PHLPP1: variants seen among roughly 807,000 people sequenced by gnomAD.
PHLPP1 encodes the protein PH domain and leucine rich repeat protein phosphatase 1.
A neutral mutation model predicts 117.2 loss-of-function variants in PHLPP1; 42 were observed. The ratio of observed to expected loss-of-function variants is 0.36; its 90% CI spans 0.28 to 0.46. The LOEUF (loss-of-function observed/expected upper bound fraction) is 0.46, where lower values mean the gene tolerates loss of function less well. Ranked by LOEUF, PHLPP1 falls within the 20% of genes least tolerant of loss-of-function variation. The pLI, the probability that PHLPP1 is intolerant of heterozygous loss-of-function variation, is 1.00. For missense variants in PHLPP1, 2,084 were observed against 2,241.9 expected (o/e 0.93, Z 1.42); for synonymous variants, 1,042 against 970.7 (o/e 1.07, Z -1.37).
chr18:62,751,506 C>T (rs772849159), intron 1 of PHLPP1, among the ~76,000 whole-genome samples: 3 of 152,156 alleles, frequency 2.0e-5, no homozygotes, highest in Non-Finnish European at 4.4e-5. Flanking sequence ...CAGTCCAGCT[C>T]CTTGGAAAAG....
chr18:62,812,087 T>C (rs1342459617), intron 1 of PHLPP1, among the ~76,000 whole-genome samples: 2 of 152,188 alleles, frequency 1.3e-5, no homozygotes, highest in Non-Finnish European at 2.9e-5. Context: ...TTTTTAATTA[T>C]ATTGGGACTT....
rs765582751 is a variant in PHLPP1 at position 62,895,998 on chromosome 18, CAT to C, written c.2432_2433del (p.His811ArgfsTer9). 1 of 1,603,768 alleles carries C rather than the reference CAT, an allele frequency of 6.2e-7. No individual in the cohort carries two copies. The highest frequency in any genetic ancestry group is 1.7e-5 in the Admixed American group (1 of 59,860). ...QALRKMPHIK[H>X]VDLRLNVIRK... ...TTTAAGAAAAATGCCTCACATTAAA[CAT>C]GTGGATCTAAGGTAACCATTTTTGA... On this transcript the variant is annotated frameshift_variant, in exon 6 of 17. Coordinates refer to ENST00000262719, the MANE Select transcript of PHLPP1 (RefSeq NM_194449.4). LOFTEE classifies it high-confidence loss of function.
intron 4 of PHLPP1, among the ~76,000 whole-genome samples, chr18:62,866,252 T>G (rs996701416): frequency 1.1e-4 from 17 of 151,452 alleles, no homozygotes; most frequent in African/African-American, 4.1e-4. Flanking sequence ...GTTTTTTGTT[T>G]TTTTTTTTTT....
At chr18:62,788,308 G>T (rs1052587059) in intron 1 of PHLPP1, among the ~76,000 whole-genome samples, 17 of 152,162 alleles carry the variant, frequency 1.1e-4, no homozygotes, top group Admixed American at 1.1e-3. Flanking sequence ...GTAAAGCAGG[G>T]ACTAGAATGG....
intron 14 of PHLPP1, among the ~76,000 whole-genome samples, chr18:62,968,520 A>G (rs1910964339): frequency 8.6e-6 from 1 of 116,338 alleles, no homozygotes; most frequent in Non-Finnish European, 1.8e-5. Context: ...ATAATATCCC[A>G]TTATTAGGCT....
chr18:62,841,973 T>C (rs1404596086), intron 3 of PHLPP1, among the ~76,000 whole-genome samples: 1 of 152,154 alleles, frequency 6.6e-6, no homozygotes, highest in Non-Finnish European at 1.5e-5. Context: ...TTCCTAGCCA[T>C]GTGGCTATAT....
At chr18:62,724,851 A>C (rs559145471) in intron 1 of PHLPP1, among the ~76,000 whole-genome samples, 1 of 152,190 alleles carries the variant, frequency 6.6e-6, no homozygotes, top group South Asian at 2.1e-4. Context: ...ATTAGATTTC[A>C]TCAGTGATGT....
Position 62,841,773 on chromosome 18 carries a change from A to G in PHLPP1, c.1899+2864A>G, listed in dbSNP as rs540357360. Among the ~76,000 whole-genome samples, 199 of 152,306 alleles carry G rather than the reference A, an allele frequency of 1.3e-3. No homozygotes were observed. The Middle Eastern group carries it at 0.017, about 13-fold the overall frequency. On this transcript the variant is annotated intron_variant, in intron 3 of 16. Transcript: ENST00000262719. ...TATACAGCATACATTTTATACTTAC[A>G]ATAAGTGGAGCTTAGTATTTCTAAG...
At chr18:62,890,875 G>T (rs958249645) in intron 4 of PHLPP1, among the ~76,000 whole-genome samples, 1 of 151,948 alleles carries the variant, frequency 6.6e-6, no homozygotes, top group Non-Finnish European at 1.5e-5. Context: ...AATTTAATTG[G>T]ATGCAAATTT....
chr18:62,816,860 A>T (rs1041423467), intron 1 of PHLPP1, among the ~76,000 whole-genome samples: 3 of 152,208 alleles, frequency 2.0e-5, no homozygotes, highest in African/African-American at 2.4e-5. Context: ...ATATTTTGCG[A>T]AAGTATTTTC....
chr18:62,891,128 A>G (rs997160399), intron 4 of PHLPP1, among the ~76,000 whole-genome samples: 7 of 152,368 alleles, frequency 4.6e-5, no homozygotes, highest in Admixed American at 3.3e-4. Context: ...GGGACATACT[A>G]TTAAAAATAT....
intron 1 of PHLPP1, among the ~76,000 whole-genome samples, chr18:62,774,075 G>A (rs568498109): frequency 2.6e-5 from 4 of 152,092 alleles, no homozygotes; most frequent in African/African-American, 7.2e-5. Flanking sequence ...ATGTTTTTTT[G>A]TGGGTGGGGG....
intron 12 of PHLPP1, among the ~76,000 whole-genome samples, chr18:62,957,811 A>T (rs1228395289): frequency 5.3e-5 from 8 of 151,724 alleles, no homozygotes; most frequent in African/African-American, 1.2e-4. Flanking sequence ...CACCTCCCAG[A>T]ATCAAGCGAT....
At chr18:62,726,583 C>CTTTTTTTTTTT (rs869190741) in intron 1 of PHLPP1, among the ~76,000 whole-genome samples, 43 of 110,018 alleles carry the variant, frequency 3.9e-4, no homozygotes, top group African/African-American at 5.3e-4. Flanking sequence ...CTGTTCTGTT[C>CTTTTTTTTTTT]TTTTTTTTTT....
chr18:62,881,745 A>G (rs1916179073), intron 4 of PHLPP1, among the ~76,000 whole-genome samples: 1 of 152,226 alleles, frequency 6.6e-6, no homozygotes, highest in South Asian at 2.1e-4. Flanking sequence ...ACAGAAGGGC[A>G]TACGTAAGTT....
At chr18:62,895,724 T>G in intron 5 of PHLPP1, 57 bp from the exon 6 acceptor site, 1 of 1,071,626 alleles carries the variant, frequency 9.3e-7, no homozygotes, top group Non-Finnish European at 1.4e-6. Flanking sequence ...TGTATGTTGA[T>G]AATAAAGATG....
chr18:62,941,954 A>G (rs753427909), intron 11 of PHLPP1, 36 bp downstream of exon 11: 4 of 1,510,922 alleles, frequency 2.6e-6, no homozygotes, highest in Non-Finnish European at 3.7e-6. Context: ...TCTGAATTGC[A>G]TTTCTCAAAG....
At chr18:62,824,600 TTATG>T (rs1219271592) in intron 1 of PHLPP1, among the ~76,000 whole-genome samples, 1 of 151,980 alleles carries the variant, frequency 6.6e-6, no homozygotes, top group African/African-American at 2.4e-5. Context: ...ATTTTATACT[TTATG>T]TAGTTTACTG....
At chr18:62,924,680 A>AG (rs1909571949) in intron 10 of PHLPP1, among the ~76,000 whole-genome samples, 1 of 133,488 alleles carries the variant, frequency 7.5e-6, no homozygotes, top group East Asian at 2.1e-4. Context: ...CAAATTGAAA[A>AG]AAAAAAAAAA....
Sources: allele counts gnomAD v4.1 joint callset (sites outside exome capture counted in the v4.1 genomes callset), GRCh38; gene constraint gnomAD v4.1.1; transcripts MANE v1.5; gene names NCBI Gene and HGNC (gene_info 2026-07-23, HGNC 2026-07-21).